ZNF451: variants seen among roughly 807,000 people sequenced by gnomAD.
ZNF451 encodes the protein zinc finger protein 451.
A neutral mutation model predicts 107.1 loss-of-function variants in ZNF451; 80 were observed. The ratio of observed to expected loss-of-function variants is 0.75; its 90% CI spans 0.62 to 0.90. ZNF451 has a LOEUF of 0.90. Ranked by LOEUF, ZNF451 falls within the 40% of genes least tolerant of loss-of-function variation. The pLI is 0.00. For synonymous variants in ZNF451, 362 were observed against 406.5 expected (o/e 0.89, Z 1.32); for missense variants, 1,107 against 1,236.2 (o/e 0.90, Z 1.57).
chr6:57,155,391 C>T (rs954888065), intron 13 of ZNF451, among the ~76,000 whole-genome samples: 2 of 152,136 alleles, frequency 1.3e-5, no homozygotes, highest in African/African-American at 4.8e-5. Flanking sequence ...GAGGCTGAGG[C>T]AGGAGAATCG....
chr6:57,138,162 A>T (rs1489709138), intron 7 of ZNF451, among the ~76,000 whole-genome samples: 2 of 151,976 alleles, frequency 1.3e-5, no homozygotes, highest in Non-Finnish European at 2.9e-5. Flanking sequence ...GAAGTGCCAA[A>T]CTGCTGTCTA....
intron 10 of ZNF451, among the ~76,000 whole-genome samples, chr6:57,150,351 T>C (rs1207400203): frequency 2.0e-5 from 3 of 152,218 alleles, no homozygotes; most frequent in Non-Finnish European, 4.4e-5. Flanking sequence ...TGGAATTTTA[T>C]ATGGGTGGTA....
chr6:57,115,433 G>A (rs1278887152), intron 3 of ZNF451: 3 of 152,164 alleles, frequency 2.0e-5, no homozygotes, highest in Non-Finnish European at 1.5e-5. Flanking sequence ...AAAGATAAAC[G>A]TTGTTTAGAA....
chr6:57,100,280 T>C (rs951233389), intron 3 of ZNF451, among the ~76,000 whole-genome samples: 6 of 152,168 alleles, frequency 3.9e-5, no homozygotes, highest in Admixed American at 2.6e-4. Flanking sequence ...TTTATTCTTA[T>C]GAGTGGTCTC....
intron 13 of ZNF451, among the ~76,000 whole-genome samples, chr6:57,160,374 C>G (rs995930564): frequency 5.9e-5 from 9 of 151,778 alleles, no homozygotes; most frequent in Non-Finnish European, 1.3e-4. Context: ...ACTCTTGTCA[C>G]TCAGGTTGGA....
In ZNF451 at chr6:57,169,176, G is replaced by T. The variant is rs1159204556; in HGVS notation, c.*707G>T. The T allele has an allele frequency of 3.3e-5, 5 of 151,988 alleles. No homozygotes were observed. Among genetic ancestry groups the T allele is most frequent in the Non-Finnish European group, 7.4e-5 (5 of 67,954 alleles). 9.4% of individuals were successfully genotyped at this position (151,988 alleles called of 1,614,324 possible). A position where few individuals can be genotyped will look rare whatever the true frequency, so the allele number is the denominator to read the frequency against. ...TTTTATGTGACTTGTATGGTCTCCT[G>T]GTTAAAGGGAATGGTGTCAGAATAT... On this transcript the variant is annotated 3_prime_UTR_variant, in exon 15 of 15. Transcript: ENST00000370706.
intron 3 of ZNF451, chr6:57,124,284 GCTCCCC>G (rs1830801374): frequency 1.6e-6 from 1 of 607,386 alleles, no homozygotes; most frequent in Admixed American, 2.9e-5. Context: ...TCTATGGCTG[GCTCCCC>G]CTGGAGTTTT....
At chr6:57,112,654 G>A (rs1337341030) in intron 3 of ZNF451, among the ~76,000 whole-genome samples, 1 of 152,142 alleles carries the variant, frequency 6.6e-6, no homozygotes, top group Non-Finnish European at 1.5e-5. Context: ...AAACTGGGTT[G>A]TTGTGATCAC....
At position 57,135,232 on chromosome 6, in the gene ZNF451, G is replaced by A. The variant is rs368936674; in HGVS notation, c.702+362G>A. Among the ~76,000 whole-genome samples, 6 of 152,080 alleles carry A rather than the reference G, an allele frequency of 3.9e-5. No homozygotes were observed. The South Asian group carries it at 1.0e-3, about 26-fold the overall frequency. On this transcript the variant is annotated intron_variant, in intron 7 of 14. Transcript: ENST00000370706. ...GAAATGTTGGCGCCATATAGTAAAT[G>A]ACAAGTTATTAATGCTAGTTTTTGA... is the stretch of plus-strand genomic sequence containing the variant.
chr6:57,146,965 T>C (rs1265300187), intron 9 of ZNF451, 125 bp from the exon 10 acceptor site: 19 of 813,162 alleles, frequency 2.3e-5, no homozygotes, highest in Non-Finnish European at 7.4e-6. Context: ...TGCATCTTTA[T>C]TGAAAAGTAT....
intron 14 of ZNF451, among the ~76,000 whole-genome samples, chr6:57,167,100 A>C (rs1307504240): frequency 6.6e-6 from 1 of 152,170 alleles, no homozygotes; most frequent in Non-Finnish European, 1.5e-5. Context: ...TTTAGTATAA[A>C]CCATACTTCA....
At chr6:57,136,959 C>T (rs1305190190) in intron 7 of ZNF451, among the ~76,000 whole-genome samples, 1 of 152,128 alleles carries the variant, frequency 6.6e-6, no homozygotes, top group Non-Finnish European at 1.5e-5. Context: ...ATCAGACAGA[C>T]CTGGGTTCCA....
chr6:57,111,094 T>A (rs1830085127), intron 3 of ZNF451, among the ~76,000 whole-genome samples: 1 of 151,890 alleles, frequency 6.6e-6, no homozygotes, highest in Non-Finnish European at 1.5e-5. Flanking sequence ...TAATTTTTTG[T>A]ATTTTTAGTA....
chr6:57,103,637 G>A, intron 3 of ZNF451: 2 of 985,340 alleles, frequency 2.0e-6, no homozygotes, highest in Non-Finnish European at 2.4e-6. Flanking sequence ...TTGCTTGGCA[G>A]CCAAAAACAG....
At position 57,132,045 on chromosome 6, in the gene ZNF451, A is replaced by G. The variant is rs186956590; in HGVS notation, c.425-997A>G. ...AAAGGGATGAAGAATGGACCAGGAT[A>G]AAGGAGGATTAATTAAGAGAAAAAA... On this transcript the variant is annotated intron_variant, in intron 5 of 14. Coordinates refer to ENST00000370706, the MANE Select transcript of ZNF451 (RefSeq NM_001031623.3). 2.6e-3 allele frequency among the ~76,000 whole-genome samples: 395 copies of G among 152,316 alleles called. 11 individuals are homozygous for G. The highest frequency in any genetic ancestry group is 0.018 in the South Asian group (89 of 4,826).
In ZNF451 at chr6:57,147,550, C is replaced by T. The variant is rs1334076771; in HGVS notation, c.1465C>T (p.His489Tyr). The T allele has an allele frequency of 6.2e-7, 1 of 1,614,090 alleles. No individual in the cohort carries two copies. The highest frequency in any genetic ancestry group is 1.1e-5 in the South Asian group (1 of 91,080). ...CCCAAGTGAAGATGCAGTAGAAAAG[C>T]ATGTTTTCTCAGCAAACACAATGGG... ...RFPSEDAVEK[H>Y]VFSANTMGYK... Residue 489 changes from histidine to tyrosine, a missense_variant, in exon 10 of 15, where the codon CAT (histidine) becomes TAT (tyrosine). Transcript: ENST00000370706.
chr6:57,166,490 T>A (rs1384459154), intron 14 of ZNF451, among the ~76,000 whole-genome samples: 1 of 152,228 alleles, frequency 6.6e-6, no homozygotes, highest in African/African-American at 2.4e-5. Context: ...TTTATATCCT[T>A]ATTCTATAAG....
intron 7 of ZNF451, among the ~76,000 whole-genome samples, chr6:57,138,731 ATATATATATATGTG>A (rs1405802860): frequency 3.5e-5 from 4 of 113,276 alleles, no homozygotes; most frequent in African/African-American, 1.3e-4. Flanking sequence ...ATATATATAT[ATATATATATATGTG>A]TGTGTGTGTG....
chr6:57,149,817 G>A (rs757509418), intron 10 of ZNF451, among the ~76,000 whole-genome samples: 2 of 150,418 alleles, frequency 1.3e-5, no homozygotes, highest in African/African-American at 2.5e-5. Flanking sequence ...CCTTTCTTTT[G>A]CGCTTCTGTT....
Sources: gnomAD v4.1 joint callset for allele counts (sites outside exome capture counted in the v4.1 genomes callset) on GRCh38, gnomAD v4.1.1 for gene constraint, MANE v1.5 for transcripts, NCBI Gene and HGNC (gene_info 2026-07-23, HGNC 2026-07-21) for gene names.